SGPP1: variants seen among roughly 807,000 people sequenced by gnomAD.
SGPP1 encodes sphingosine-1-phosphate phosphatase 1.
SGPP1 carries 21 observed loss-of-function variants against 33.0 expected under a neutral mutation model. The observed-to-expected ratio is 0.64, with a 90% CI of 0.45 to 0.92. The LOEUF (loss-of-function observed/expected upper bound fraction) is 0.92, where lower values mean the gene tolerates loss of function less well. Among genes scored for constraint, SGPP1 ranks in the 40% least tolerant of loss-of-function variants. The pLI, the probability that SGPP1 is intolerant of heterozygous loss-of-function variation, is 0.00. For synonymous variants in SGPP1, 239 were observed against 241.2 expected (o/e 0.99, Z 0.08); for missense variants, 543 against 589.4 (o/e 0.92, Z 0.81).
intron 1 of SGPP1, among the ~76,000 whole-genome samples, chr14:63,709,766 C>T (rs1035653002): frequency 1.3e-5 from 2 of 152,146 alleles, no homozygotes; most frequent in African/African-American, 4.8e-5. Flanking sequence ...GATCACATGA[C>T]ATCCTAGATG....
At chr14:63,721,964 A>G (rs2139655756) in intron 1 of SGPP1, among the ~76,000 whole-genome samples, 1 of 152,354 alleles carries the variant, frequency 6.6e-6, no homozygotes. Flanking sequence ...ATATATTTCA[A>G]AAATAATATT....
At chr14:63,717,595 T>G (rs1486435178) in intron 1 of SGPP1, among the ~76,000 whole-genome samples, 1 of 152,158 alleles carries the variant, frequency 6.6e-6, no homozygotes, top group African/African-American at 2.4e-5. Flanking sequence ...GTGCTGGGAT[T>G]ACAGGCATGA....
chr14:63,700,051 C>T (rs779104632), intron 1 of SGPP1, among the ~76,000 whole-genome samples: 9 of 152,028 alleles, frequency 5.9e-5, no homozygotes, highest in Non-Finnish European at 1.0e-4. Flanking sequence ...CAGTCTCAAC[C>T]TCCCAGGCTC....
rs897483492 is a variant in SGPP1, at chr14:63,727,787, G to C, written c.158C>G (p.Pro53Arg). 1 of 1,503,494 alleles carries C rather than the reference G, an allele frequency of 6.7e-7. No individual in the cohort carries two copies. The highest frequency in any genetic ancestry group is 2.1e-5 in the Admixed American group (1 of 48,316). 93.1% of individuals were successfully genotyped at this position (1,503,494 alleles called of 1,614,324 possible). A position where few individuals can be genotyped will look rare whatever the true frequency, so the allele number is the denominator to read the frequency against. The change falls in exon 1 of 3, where the codon CCT (proline) becomes CGT (arginine). Residue 53 changes from proline to arginine, a missense_variant. Coordinates refer to ENST00000247225, the MANE Select transcript of SGPP1 (RefSeq NM_030791.4). Reference protein sequence around the residue: ...EKAEAPLAGDPRLRGRQPGAP... With the variant: ...EKAEAPLAGDRRLRGRQPGAP... ...CCCTGGCTGCCGCCCTCGCAGTCGAGGGTCTCCGGCGAGAGGCGCCTCCGC... is the reference window on the plus strand; with the variant it reads ...CCCTGGCTGCCGCCCTCGCAGTCGACGGTCTCCGGCGAGAGGCGCCTCCGC...
chr14:63,714,394 A>C (rs1033751700), intron 1 of SGPP1, among the ~76,000 whole-genome samples: 2 of 152,060 alleles, frequency 1.3e-5, no homozygotes, highest in Admixed American at 1.3e-4. Context: ...AAATGTTTGT[A>C]CTTCACTTTT....
At chr14:63,716,367 G>A (rs904601301) in intron 1 of SGPP1, among the ~76,000 whole-genome samples, 3 of 151,894 alleles carry the variant, frequency 2.0e-5, no homozygotes, top group Non-Finnish European at 2.9e-5. Context: ...GGTGGCGAGC[G>A]CCTGTAATCC....
chr14:63,703,018 G>T (rs1359836492), intron 1 of SGPP1, among the ~76,000 whole-genome samples: 2 of 152,034 alleles, frequency 1.3e-5, no homozygotes, highest in Admixed American at 6.6e-5. Context: ...GCACCAATGG[G>T]GGTCGTGGAA....
rs186962715 is a variant in SGPP1 at position 63,719,465 on chromosome 14, G to A, written c.684+7796C>T. 1.6e-3 allele frequency among the ~76,000 whole-genome samples: 244 copies of A among 151,870 alleles called. 3 individuals are homozygous for A. In the South Asian group the frequency reaches 0.024, roughly 15 times the overall value. On this transcript the variant is annotated intron_variant, in intron 1 of 2. Coordinates refer to ENST00000247225, the MANE Select transcript of SGPP1 (RefSeq NM_030791.4). ...CAATCTTTATGACAGGCAATTTTAC[G>A]TTATCTGTTAAAATTTAAATGCCTA...
At chr14:63,688,339 A>AAAAAAAAAAAAAC (rs1885025874) in intron 2 of SGPP1, among the ~76,000 whole-genome samples, 1 of 148,516 alleles carries the variant, frequency 6.7e-6, no homozygotes, top group African/African-American at 2.5e-5. Flanking sequence ...AAAAAAAAAA[A>AAAAAAAAAAAAAC]AAAATTTTAA....
At chr14:63,694,464 C>T (rs1025161303) in intron 2 of SGPP1, among the ~76,000 whole-genome samples, 7 of 151,930 alleles carry the variant, frequency 4.6e-5, no homozygotes, top group Admixed American at 1.3e-4. Context: ...GATTGTTCCA[C>T]ACCTTGTCTG....
chr14:63,686,339 T>G lies in SGPP1; in HGVS notation c.1092A>C (p.Lys364Asn), dbSNP rs1391026286. Residue 364 changes from lysine (K) to asparagine (N), a missense_variant, in exon 3 of 3, where the codon AAA becomes AAC. Physicochemically the swap from Lys to Asn is moderately conservative, Grantham distance 94 (BLOSUM62 0). Transcript: ENST00000247225. Reference sequence around the variant, plus strand: ...TCCCTATGAGGATCCGCAATATGGCTTTTCCAAACAGAGTCACAGTAATGG... The same window carrying G: ...TCCCTATGAGGATCCGCAATATGGCGTTTCCAAACAGAGTCACAGTAATGG... ...GPPITVTLFG[K>N]AILRILIGMV... The G allele has an allele frequency of 6.2e-7, 1 of 1,614,046 alleles. No individual in the cohort carries two copies. Among genetic ancestry groups the G allele is most frequent in the Admixed American group, 1.7e-5 (1 of 60,012 alleles).
intron 1 of SGPP1, among the ~76,000 whole-genome samples, chr14:63,712,971 C>T (rs560771101): frequency 4.6e-5 from 7 of 151,284 alleles, no homozygotes; most frequent in African/African-American, 9.7e-5. Context: ...AAGCTGGTTT[C>T]GAGCTCCTGG....
chr14:63,694,820 T>C (rs1885156224), intron 2 of SGPP1, among the ~76,000 whole-genome samples: 1 of 152,172 alleles, frequency 6.6e-6, no homozygotes, highest in African/African-American at 2.4e-5. Context: ...TTTATTATTA[T>C]AAATAACTCT....
chr14:63,704,023 C>T (rs7157815), intron 1 of SGPP1, among the ~76,000 whole-genome samples: 16,376 of 151,702 alleles, frequency 0.11, 2,056 homozygotes, highest in African/African-American at 0.31. Context: ...ATGGGGGTCT[C>T]GCTATGTTGC....
At chr14:63,700,492 A>G (rs1885274376) in intron 1 of SGPP1, among the ~76,000 whole-genome samples, 1 of 152,186 alleles carries the variant, frequency 6.6e-6, no homozygotes, top group Non-Finnish European at 1.5e-5. Context: ...ATCAAGTTTT[A>G]CTAATTTTAT....
At position 63,727,656 on chromosome 14, in the gene SGPP1, G is replaced by A. The variant is rs1885916673; in HGVS notation, c.289C>T (p.Leu97=). The change falls in exon 1 of 3, where the codon CTG becomes TTG. Residue 97 remains leucine (L), a synonymous_variant. Coordinates refer to ENST00000247225, the MANE Select transcript of SGPP1 (RefSeq NM_030791.4). ...NGVRNGLAAE[L]GPASPRRAGA... ...GCGCGCCGCGGCGAGGCCGGGCCCAGCTCGGCCGCCAGCCCGTTCCGCACG... is the reference window on the plus strand; with the variant it reads ...GCGCGCCGCGGCGAGGCCGGGCCCAACTCGGCCGCCAGCCCGTTCCGCACG... 14 of 1,346,474 alleles carry A rather than the reference G, an allele frequency of 1.0e-5. No homozygotes were observed. Among genetic ancestry groups the A allele is most frequent in the Non-Finnish European group, 1.3e-5 (14 of 1,057,560 alleles). The allele number at this position is 1,346,474 out of a possible 1,614,324, so 83.4% of individuals were successfully genotyped here.
At chr14:63,686,798 A>G in intron 2 of SGPP1, 142 bp from the exon 3 acceptor site, 2 of 605,756 alleles carry the variant, frequency 3.3e-6, no homozygotes, top group Non-Finnish European at 5.6e-6. Context: ...AACTTTATTA[A>G]CTGACCATAT....
chr14:63,716,698 C>CTTT (rs113716596), intron 1 of SGPP1, among the ~76,000 whole-genome samples: 1 of 142,850 alleles, frequency 7.0e-6, no homozygotes, highest in African/African-American at 2.6e-5. Flanking sequence ...CCCAATAATA[C>CTTT]TTTTTTTTTT....
At chr14:63,727,236 T>G in intron 1 of SGPP1, 25 bp downstream of exon 1, 1 of 1,582,366 alleles carries the variant, frequency 6.3e-7, no homozygotes, top group East Asian at 2.2e-5. Context: ...TCCCCCAGGC[T>G]GAACAGGACG....
Sources: gnomAD v4.1 joint callset for allele counts (sites outside exome capture counted in the v4.1 genomes callset) on GRCh38, gnomAD v4.1.1 for gene constraint, MANE v1.5 for transcripts, NCBI Gene and HGNC (gene_info 2026-07-23, HGNC 2026-07-21) for gene names.